Variants in KCNQ3 observed in about 807,000 individuals in gnomAD.
KCNQ3 encodes the protein potassium voltage-gated channel subfamily Q member 3.
In KCNQ3, 30 loss-of-function variants were observed where a neutral mutation model predicts 92.5. The observed-to-expected ratio is 0.32, with a 90% confidence interval of 0.24 to 0.44. KCNQ3 has a LOEUF of 0.44. Ranked by LOEUF, KCNQ3 falls within the 20% of genes least tolerant of loss-of-function variation. KCNQ3 has a pLI of 1.00. For synonymous variants in KCNQ3, 450 were observed against 468.8 expected (o/e 0.96, Z 0.52); for missense variants, 913 against 1,140.3 (o/e 0.80, Z 2.87).
intron 1 of KCNQ3, among the ~76,000 whole-genome samples, chr8:132,329,051 T>C (rs1818151255): frequency 6.6e-6 from 1 of 152,184 alleles, no homozygotes; most frequent in African/African-American, 2.4e-5. Flanking sequence ...CTCTGAACAC[T>C]GGAGGAGGAG....
Position 132,152,349 on chromosome 8 carries a change from A to G in KCNQ3, c.1263-11018T>C, listed in dbSNP as rs182612639. 3.9e-3 allele frequency among the ~76,000 whole-genome samples: 590 copies of G among 152,314 alleles called. 3 individuals are homozygous for G. The highest frequency in any genetic ancestry group is 6.5e-3 in the Non-Finnish European group (444 of 68,028). On this transcript the variant is annotated intron_variant, in intron 9 of 14. Coordinates refer to ENST00000388996, the MANE Select transcript of KCNQ3 (RefSeq NM_004519.4). ...TTCAGAGTCAAGGAAACTTATTTTG[A>G]ACTATTTACAGCCTTTAACAACTGA...
In KCNQ3 at chr8:132,141,084, G is replaced by A. The variant is rs761000721; in HGVS notation, c.1465+45C>T. ...GGTGAGGAAGGAAGTGGACTTGGGG[G>A]AGGAAGAAGTGGAAGAGACAGGGAG... is the stretch of plus-strand genomic sequence containing the variant. On this transcript the variant is annotated intron_variant, in intron 10 of 14. Transcript: ENST00000388996. The A allele has an allele frequency of 7.7e-6, 12 of 1,555,182 alleles. No homozygotes were observed. In the Admixed American group the frequency reaches 1.8e-4, roughly 24 times the overall value.
At chr8:132,236,593 T>C (rs1168708369) in intron 1 of KCNQ3, among the ~76,000 whole-genome samples, 1 of 152,138 alleles carries the variant, frequency 6.6e-6, no homozygotes, top group Non-Finnish European at 1.5e-5. Context: ...TATAAACCCA[T>C]GGTGGCAGGC....
In KCNQ3 at chr8:132,288,389, G is replaced by C. The variant is rs529332659; in HGVS notation, c.387-102208C>G. On this transcript the variant is annotated intron_variant, in intron 1 of 14. Coordinates refer to ENST00000388996, the MANE Select transcript of KCNQ3 (RefSeq NM_004519.4). ...TAATTTTGCCTTTGATCTTGTAAAA[G>C]TCATTTCTCAATATTGGCTTCCTTT... is the stretch of plus-strand genomic sequence containing the variant. 2.6e-5 allele frequency among the ~76,000 whole-genome samples: 4 copies of C among 152,258 alleles called. No individual in the cohort carries two copies. The South Asian group carries it at 6.2e-4, about 24-fold the overall frequency.
chr8:132,401,954 G>C (rs1820345766), intron 1 of KCNQ3, among the ~76,000 whole-genome samples: 1 of 113,260 alleles, frequency 8.8e-6, no homozygotes, highest in African/African-American at 2.7e-5. Context: ...TTCTGAGTGA[G>C]AGGGCTGGTG....
chr8:132,162,638 G>A (rs539071104), intron 9 of KCNQ3, among the ~76,000 whole-genome samples: 49 of 152,274 alleles, frequency 3.2e-4, no homozygotes, highest in Non-Finnish European at 5.6e-4. Flanking sequence ...AAAGAACCAC[G>A]TGGTTCATTT....
At chr8:132,315,602 G>C (rs549876695) in intron 1 of KCNQ3, among the ~76,000 whole-genome samples, 2 of 152,116 alleles carry the variant, frequency 1.3e-5, no homozygotes, top group Non-Finnish European at 2.9e-5. Context: ...CTTTCGGGTT[G>C]AGATATAGGG....
In KCNQ3 at chr8:132,187,861, G is replaced by GTGGTGATAGTGA. The variant is rs1563795841; in HGVS notation, c.387-1681_387-1680insTCACTATCACCA. Reference sequence around the variant, plus strand: ...GGTGGTGGTGGTGGTAGTGATGGTGGTGGTGGTGGTGATAGTGATGGTGGC... The same window carrying GTGGTGATAGTGA: ...GGTGGTGGTGGTGGTAGTGATGGTGGTGGTGATAGTGATGGTGGTGGTGATAGTGATGGTGGC... On this transcript the variant is annotated intron_variant, in intron 1 of 14. Coordinates refer to ENST00000388996, the MANE Select transcript of KCNQ3 (RefSeq NM_004519.4). 4.2e-5 allele frequency among the ~76,000 whole-genome samples: 4 copies of GTGGTGATAGTGA among 95,088 alleles called. No homozygotes were observed. In the East Asian group the frequency reaches 1.0e-3, roughly 24 times the overall value. The allele number at this position is 95,088 out of a possible 152,430, so 62.4% of individuals were successfully genotyped here.
At chr8:132,150,813 G>A (rs1470135558) in intron 9 of KCNQ3, among the ~76,000 whole-genome samples, 1 of 151,982 alleles carries the variant, frequency 6.6e-6, no homozygotes, top group African/African-American at 2.4e-5. Flanking sequence ...TCTTCTGCCT[G>A]TCTGTGTAGT....
chr8:132,430,269 T>G (rs1202189205), intron 1 of KCNQ3, among the ~76,000 whole-genome samples: 1 of 152,152 alleles, frequency 6.6e-6, no homozygotes, highest in Non-Finnish European at 1.5e-5. Context: ...ACCAAGTAAA[T>G]AATAATCTCT....
intron 1 of KCNQ3, among the ~76,000 whole-genome samples, chr8:132,315,365 C>A (rs1817711957): frequency 6.6e-6 from 1 of 151,934 alleles, no homozygotes; most frequent in African/African-American, 2.4e-5. Context: ...AGGGGAAAGT[C>A]TTGATTTCTG....
chr8:132,193,595 A>G (rs919762680), intron 1 of KCNQ3, among the ~76,000 whole-genome samples: 1 of 152,230 alleles, frequency 6.6e-6, no homozygotes, highest in South Asian at 2.1e-4. Flanking sequence ...GCTGGAAGTA[A>G]GAGTTAAGGT....
chr8:132,185,606 T>C (rs1000421636), intron 2 of KCNQ3, among the ~76,000 whole-genome samples: 5 of 152,192 alleles, frequency 3.3e-5, no homozygotes, highest in African/African-American at 4.8e-5. Context: ...CACCACCTGA[T>C]GGAGGACAGA....
intron 7 of KCNQ3, among the ~76,000 whole-genome samples, chr8:132,171,790 G>A (rs948795166): frequency 1.6e-4 from 24 of 152,084 alleles, no homozygotes; most frequent in Non-Finnish European, 1.9e-4. Flanking sequence ...AATCTGAGGG[G>A]AAGTAGAAGG....
rs529410271 is a variant in KCNQ3 at position 132,227,517 on chromosome 8, G to A, written c.387-41336C>T. Among the ~76,000 whole-genome samples, 470 of 152,306 alleles carry A rather than the reference G, an allele frequency of 3.1e-3. 7 individuals are homozygous for A. Among genetic ancestry groups the A allele is most frequent in the South Asian group, 0.023 (109 of 4,822 alleles). ...CCAACACCTTGCTGACACACTGATC[G>A]TGGACTTCCAGCCCCCAGAATTGTG... On this transcript the variant is annotated intron_variant, in intron 1 of 14. Coordinates refer to ENST00000388996, the MANE Select transcript of KCNQ3 (RefSeq NM_004519.4).
In KCNQ3 at chr8:132,475,778, G is replaced by A. The variant is rs117190776; in HGVS notation, c.386+4369C>T. Among the ~76,000 whole-genome samples, 54 of 152,362 alleles carry A rather than the reference G, an allele frequency of 3.5e-4. 1 individual carries two copies. The South Asian group carries it at 3.7e-3, about 11-fold the overall frequency. On this transcript the variant is annotated intron_variant, in intron 1 of 14. Coordinates refer to ENST00000388996, the MANE Select transcript of KCNQ3 (RefSeq NM_004519.4). ...TAGAAAAGAAAAACCCATTTTCTGC[G>A]GAGGAATTCAAGCCAGCTGCAGAAA...
chr8:132,220,234 C>T (rs964995309), intron 1 of KCNQ3, among the ~76,000 whole-genome samples: 5 of 152,198 alleles, frequency 3.3e-5, no homozygotes, highest in Admixed American at 3.3e-4. Context: ...GCAGACTAGA[C>T]TGACTACTTG....
chr8:132,331,028 C>T lies in KCNQ3; in HGVS notation c.387-144847G>A, dbSNP rs75283019. On this transcript the variant is annotated intron_variant, in intron 1 of 14. Coordinates refer to ENST00000388996, the MANE Select transcript of KCNQ3 (RefSeq NM_004519.4). Reference sequence around the variant, plus strand: ...AATGTTCCCATTTGTCCCATTTTTCCTGGCTTCCAGTCCCCTTGGGTGGCT... The same window carrying T: ...AATGTTCCCATTTGTCCCATTTTTCTTGGCTTCCAGTCCCCTTGGGTGGCT... Among the ~76,000 whole-genome samples the T allele has an allele frequency of 2.0e-5, 3 of 152,282 alleles. No individual in the cohort carries two copies. The East Asian group carries it at 5.8e-4, about 29-fold the overall frequency.
chr8:132,212,345 A>G (rs1813888032), intron 1 of KCNQ3, among the ~76,000 whole-genome samples: 1 of 152,016 alleles, frequency 6.6e-6, no homozygotes, highest in South Asian at 2.1e-4. Flanking sequence ...GTCTTTCCAT[A>G]AATTCCCCTC....
Sources: allele counts gnomAD v4.1 joint callset (sites outside exome capture counted in the v4.1 genomes callset), GRCh38; gene constraint gnomAD v4.1.1; transcripts MANE v1.5; gene names NCBI Gene and HGNC (gene_info 2026-07-23, HGNC 2026-07-21).